Variants in LAIR1 observed in about 807,000 individuals in gnomAD.
LAIR1 encodes leukocyte associated immunoglobulin like receptor 1, also known as leukocyte-associated immunoglobulin-like receptor 1.
In LAIR1, 24 loss-of-function variants were observed where a neutral mutation model predicts 32.8. The observed-to-expected ratio is 0.73, with a 90% CI of 0.53 to 1.03. LAIR1 has a LOEUF of 1.03. LAIR1 is among the 50% of genes least tolerant of loss of function. LAIR1 has a pLI of 0.00. For synonymous variants in LAIR1, 150 were observed against 140.5 expected (o/e 1.07, Z -0.48); for missense variants, 355 against 347.5 (o/e 1.02, Z -0.17).
chr19:54,364,862 C>G lies in LAIR1; in HGVS notation c.-58G>C, dbSNP rs977427577. ...GGCGCACCAATGCAAGGACAGAACT[C>G]TGCAGCAGACACAAGCAGACAGGAT... is the stretch of plus-strand genomic sequence containing the variant. On this transcript the variant is annotated 5_prime_UTR_variant, in exon 1 of 10. Transcript: ENST00000391742. The surrounding 1 kb of genome is among the most constrained non-coding windows in gnomAD (Gnocchi z 4.8). 1.9e-6 allele frequency: 3 copies of G among 1,613,874 alleles called. No individual in the cohort carries two copies. The African/African-American group carries it at 4.0e-5, about 22-fold the overall frequency.
At chr19:54,367,477 C>T (rs1457301914), upstream of LAIR1, among the ~76,000 whole-genome samples, 1 of 152,130 alleles carries the variant, frequency 6.6e-6, no homozygotes, top group East Asian at 1.9e-4. Context: ...GGTGCAATGG[C>T]TCACGCCTGT....
chr19:54,356,074 C>T, intron 8 of LAIR1, 68 bp from the exon 9 acceptor site: 2 of 1,361,262 alleles, frequency 1.5e-6, no homozygotes, highest in Non-Finnish European at 2.1e-6. Context: ...CTGAGACCCC[C>T]ACCCCCAGCT....
upstream of LAIR1, among the ~76,000 whole-genome samples, chr19:54,375,027 G>A (rs2082476856): frequency 6.6e-6 from 1 of 152,132 alleles, no homozygotes; most frequent in Non-Finnish European, 1.5e-5. Context: ...CCCAGACTCA[G>A]CTCTGGAAGA....
At chr19:54,375,362 A>G (rs1298598657), upstream of LAIR1, among the ~76,000 whole-genome samples, 1 of 152,122 alleles carries the variant, frequency 6.6e-6, no homozygotes, top group Non-Finnish European at 1.5e-5. Flanking sequence ...CGCTGTGCAG[A>G]ATGCAGAGGC....
chr19:54,374,701 C>T (rs1465521778), upstream of LAIR1, among the ~76,000 whole-genome samples: 1 of 152,094 alleles, frequency 6.6e-6, no homozygotes, highest in Non-Finnish European at 1.5e-5. Flanking sequence ...GGCTCCCAGC[C>T]CCAGAGGTTC....
At chr19:54,369,418 TC>T (rs1357062700), upstream of LAIR1, among the ~76,000 whole-genome samples, 1 of 151,402 alleles carries the variant, frequency 6.6e-6, no homozygotes, top group African/African-American at 2.5e-5. Context: ...ATCCGTCTGT[TC>T]CTCCACAATC....
At chr19:54,362,634 T>G (rs529297952) in intron 2 of LAIR1, among the ~76,000 whole-genome samples, 5 of 152,206 alleles carry the variant, frequency 3.3e-5, no homozygotes, top group African/African-American at 1.2e-4. Flanking sequence ...ACAGGTGCAC[T>G]CCACCACGCC....
At chr19:54,365,131 A>G (rs748228902), upstream of LAIR1, 169 of 1,108,052 alleles carry the variant, frequency 1.5e-4, no homozygotes, top group Non-Finnish European at 1.7e-4. Flanking sequence ...CGGGCAACCA[A>G]TTGACTTGGA....
intron 3 of LAIR1, 154 bp downstream of exon 3, chr19:54,360,762 G>A (rs1343702998): frequency 1.5e-6 from 1 of 657,708 alleles, no homozygotes; most frequent in Admixed American, 2.8e-5. Flanking sequence ...CAGAGGGGAG[G>A]TGTGTGCAGA....
intron 4 of LAIR1, among the ~76,000 whole-genome samples, chr19:54,359,206 A>G (rs1326830863): frequency 8.6e-5 from 13 of 150,654 alleles, no homozygotes; most frequent in African/African-American, 2.0e-4. Context: ...GTCTAGGTCC[A>G]AGGACGTACT....
chr19:54,356,092 A>G, intron 8 of LAIR1, 86 bp from the exon 9 acceptor site: 1 of 1,251,272 alleles, frequency 8.0e-7, no homozygotes, highest in Non-Finnish European at 1.2e-6. Context: ...GCTTCCGATG[A>G]CATCCTGCAC....
At chr19:54,364,960 C>T (rs376140907), upstream of LAIR1, 230 of 1,524,562 alleles carry the variant, frequency 1.5e-4, no homozygotes, top group East Asian at 8.0e-4. This position sits in a 1 kb window ranked among gnomAD's most constrained non-coding sequence, Gnocchi z 4.8. Context: ...AGCTTTCTGT[C>T]CTGTTCTTTC....
chr19:54,372,267 G>A (rs377320581), upstream of LAIR1, among the ~76,000 whole-genome samples: 8 of 151,506 alleles, frequency 5.3e-5, 1 homozygote, highest in South Asian at 6.3e-4. Flanking sequence ...AGTTCCCGTT[G>A]CTCCACATCC....
In LAIR1 at chr19:54,356,967, C is replaced by T. The variant is rs1463871770; in HGVS notation, c.416-1G>A. 6.2e-7 allele frequency: 1 copy of T among 1,613,810 alleles called. No homozygotes were observed. Among genetic ancestry groups the T allele is most frequent in the Admixed American group, 1.7e-5 (1 of 59,966 alleles). ...TTGTCCGACGGCCTCTGCGTGGGTC[C>T]TGGGAGGGAGGAATCAGAAGGAGGA... On this transcript the variant is annotated splice_acceptor_variant, in intron 4 of 9. Coordinates refer to ENST00000391742, the MANE Select transcript of LAIR1 (RefSeq NM_002287.6). LOFTEE classifies it high-confidence loss of function.
At chr19:54,367,154 G>C (rs946132086), upstream of LAIR1, among the ~76,000 whole-genome samples, 9 of 152,204 alleles carry the variant, frequency 5.9e-5, no homozygotes, top group Non-Finnish European at 1.0e-4. Flanking sequence ...AGTGTGAAAT[G>C]TCATTAAAAG....
rs1045037389 is a variant in LAIR1 at position 54,356,525 on chromosome 19, G to C, written c.549C>G (p.Leu183=). Residue 183 remains leucine (L), a synonymous_variant, in exon 6 of 10, where the codon CTC becomes CTG. Transcript: ENST00000391742. ...VFLFCLLLLV[L]FCLHRQNQIK... Reference sequence around the variant, plus strand: ...TCTGATTCTGGCGATGGAGGCAGAAGAGGACCAGGAGGAGGAGACAGAAGA... The same window carrying C: ...TCTGATTCTGGCGATGGAGGCAGAACAGGACCAGGAGGAGGAGACAGAAGA... 2.5e-6 allele frequency: 4 copies of C among 1,613,910 alleles called. No homozygotes were observed. In the African/African-American group the frequency reaches 4.0e-5, roughly 16 times the overall value.
chr19:54,356,045 T>C (rs749018059), intron 8 of LAIR1, 39 bp from the exon 9 acceptor site: 7 of 1,536,466 alleles, frequency 4.6e-6, no homozygotes, highest in Non-Finnish European at 5.4e-6. Flanking sequence ...CTGGGGAGGA[T>C]GTCGCAAGGC....
Position 54,364,317 on chromosome 19 carries a change from G to A in LAIR1, c.48C>T (p.Ala16=), listed in dbSNP as rs781104033. Reference sequence around the variant, plus strand: ...TACCCTCCTGCGTGTGGATGGTCTGGGCCAGGCAGAGCACTGGAAGAGAAG... The same window carrying A: ...TACCCTCCTGCGTGTGGATGGTCTGAGCCAGGCAGAGCACTGGAAGAGAAG... ...TALLGLVLCL[A]QTIHTQEEDL... Residue 16 remains alanine, a synonymous_variant, in exon 2 of 10, where the codon GCC becomes GCT. Transcript: ENST00000391742. This position sits in a 1 kb window ranked among gnomAD's most constrained non-coding sequence, Gnocchi z 4.8. The A allele has an allele frequency of 1.9e-6, 3 of 1,613,868 alleles. No individual in the cohort carries two copies. The South Asian group carries it at 3.3e-5, about 18-fold the overall frequency.
upstream of LAIR1, among the ~76,000 whole-genome samples, chr19:54,367,861 T>C (rs1163367295): frequency 1.4e-5 from 2 of 146,298 alleles, no homozygotes; most frequent in Non-Finnish European, 3.0e-5. Context: ...CAAGCTCCGC[T>C]TCCCGGGTTC....
Sources: gnomAD v4.1 joint callset for allele counts (sites outside exome capture counted in the v4.1 genomes callset) on GRCh38, gnomAD v4.1.1 for gene constraint, Gnocchi (gnomAD v3.1) non-coding constraint, MANE v1.5 for transcripts, NCBI Gene and HGNC (gene_info 2026-07-23, HGNC 2026-07-21) for gene names.